Variants in CCR9 observed in about 807,000 individuals in gnomAD.
CCR9 encodes the protein C-C chemokine receptor type 9.
In CCR9, 4 loss-of-function variants were observed where a neutral mutation model predicts 8.7. The ratio of observed to expected loss-of-function variants is 0.46; its 90% CI spans 0.23 to 1.06. The LOEUF (loss-of-function observed/expected upper bound fraction) is 1.06. Among genes scored for constraint, CCR9 ranks in the 50% least tolerant of loss-of-function variants. The pLI is 0.21. For synonymous variants in CCR9, 159 were observed against 168.8 expected, an observed-to-expected ratio of 0.94 and a Z score of 0.45; for missense variants, 394 against 453.6, an observed-to-expected ratio of 0.87 and a Z score of 1.19.
rs201700560 is a variant in CCR9 at position 45,901,949 on chromosome 3, A to G, written c.*51A>G. On this transcript the variant is annotated 3_prime_UTR_variant, in exon 3 of 3. Coordinates refer to ENST00000357632, the MANE Select transcript of CCR9 (RefSeq NM_031200.3). The surrounding 1 kb of genome is among the most constrained non-coding windows in gnomAD (Gnocchi z 4.3). The stretch of plus-strand genomic sequence containing the variant: ...CTTTTGGAAGAAATGAGAAATACAG[A>G]AACAGTTTCCCCACTGATGGGACCA... The G allele has an allele frequency of 4.0e-5, 58 of 1,467,334 alleles. No homozygotes were observed. The highest frequency in any genetic ancestry group is 4.8e-5 in the Non-Finnish European group (52 of 1,087,068). The allele number at this position is 1,467,334 out of a possible 1,614,324, so 90.9% of individuals were successfully genotyped here.
intron 2 of CCR9, 81 bp downstream of exon 2, chr3:45,895,035 T>TG (rs1702309424): frequency 7.3e-7 from 1 of 1,375,174 alleles, no homozygotes; most frequent in African/African-American, 1.4e-5. Context: ...GGATCCACTG[T>TG]GGGGGAAGGA....
In CCR9 at chr3:45,901,640, G is replaced by A. The variant is rs1452415916; in HGVS notation, c.852G>A (p.Met284Ile). The change falls in exon 3 of 3, where the codon ATG (methionine) becomes ATA (isoleucine). Residue 284 changes from methionine to isoleucine, a missense_variant. Coordinates refer to ENST00000357632, the MANE Select transcript of CCR9 (RefSeq NM_031200.3). This position sits in a 1 kb window ranked among gnomAD's most constrained non-coding sequence, Gnocchi z 4.3. ...TGCAGACCATTGACGCCTATGCCAT[G>A]TTCATCTCCAACTGTGCCGTTTCCA... ...LLVQTIDAYA[M>I]FISNCAVSTN... 6 of 1,614,068 alleles carry A rather than the reference G, an allele frequency of 3.7e-6. No individual in the cohort carries two copies. Among genetic ancestry groups the A allele is most frequent in the African/African-American group, 1.3e-5 (1 of 74,940 alleles).
intron 2 of CCR9, among the ~76,000 whole-genome samples, chr3:45,896,851 T>G (rs1036808222): frequency 2.0e-5 from 3 of 152,220 alleles, no homozygotes; most frequent in Non-Finnish European, 4.4e-5. Context: ...ATGGAAGCCT[T>G]GGCAAGCACA....
chr3:45,890,260 T>TATATATATATATTTATATAA lies in CCR9; in HGVS notation c.-29+3614_-29+3615insTATTTATATAAATATATATA, dbSNP rs1702108271. ...TGACATAAGCCCTGGGTATTAGAAA[T>TATATATATATATTTATATAA]ATATATATAACATATATATATATTT... On this transcript the variant is annotated intron_variant, in intron 1 of 2. Transcript: ENST00000357632. 4.2e-4 allele frequency among the ~76,000 whole-genome samples: 3 copies of TATATATATATATTTATATAA among 7,154 alleles called. 1 individual carries two copies. The highest frequency in any genetic ancestry group is 6.6e-4 in the Non-Finnish European group (3 of 4,542). The allele number at this position is 7,154 out of a possible 152,430, so 4.7% of individuals were successfully genotyped here. A position where few individuals can be genotyped will look rare whatever the true frequency, so the allele number is the denominator to read the frequency against.
In CCR9 at chr3:45,901,417, T is replaced by C; in HGVS notation, c.629T>C (p.Leu210Pro). Residue 210 changes from leucine to proline, a missense_variant, in exon 3 of 3, where the codon CTG (leucine) becomes CCG (proline). Leu to Pro is a moderately conservative substitution (Grantham distance 98). Coordinates refer to ENST00000357632, the MANE Select transcript of CCR9 (RefSeq NM_031200.3). The surrounding 1 kb of genome is among the most constrained non-coding windows in gnomAD (Gnocchi z 4.3). ...TACCCTAGCGATGAGAGCACCAAACTGAAGTCAGCTGTCTTGACCCTGAAG... is the reference window on the plus strand; with the variant it reads ...TACCCTAGCGATGAGAGCACCAAACCGAAGTCAGCTGTCTTGACCCTGAAG... ...MVYPSDESTK[L>P]KSAVLTLKVI... The C allele has an allele frequency of 8.1e-6, 13 of 1,614,206 alleles. No individual in the cohort carries two copies. Among genetic ancestry groups the C allele is most frequent in the Non-Finnish European group, 1.1e-5 (13 of 1,180,028 alleles).
intron 1 of CCR9, among the ~76,000 whole-genome samples, chr3:45,893,850 G>A (rs559955036): frequency 6.6e-6 from 1 of 152,164 alleles, no homozygotes; most frequent in African/African-American, 2.4e-5. Flanking sequence ...CATGTATAAC[G>A]TCTTAAGAAA....
intron 1 of CCR9, among the ~76,000 whole-genome samples, chr3:45,887,680 G>A (rs973111554): frequency 5.9e-5 from 9 of 152,146 alleles, no homozygotes; most frequent in Admixed American, 6.5e-5. Flanking sequence ...CTGGAATTTC[G>A]GAGTCCTTTT....
chr3:45,886,449 A>T (rs1211942061), upstream of CCR9: 3 of 151,784 alleles, frequency 2.0e-5, no homozygotes. Context: ...TACACAGGTG[A>T]CTCCCCACCC....
chr3:45,890,688 G>A (rs1036596835), intron 1 of CCR9, among the ~76,000 whole-genome samples: 1 of 151,940 alleles, frequency 6.6e-6, no homozygotes, highest in Non-Finnish European at 1.5e-5. Context: ...TTGGTTCTTC[G>A]GCTTAGGAGG....
chr3:45,892,376 A>G (rs1438631250), intron 1 of CCR9, among the ~76,000 whole-genome samples: 2 of 152,186 alleles, frequency 1.3e-5, no homozygotes, highest in East Asian at 3.8e-4. Flanking sequence ...AATACTACAC[A>G]GCCATAAAAA....
Position 45,901,148 on chromosome 3 carries a change from G to A in CCR9, c.360G>A (p.Lys120=), listed in dbSNP as rs1702541553. 1.2e-6 allele frequency: 2 copies of A among 1,614,194 alleles called. No homozygotes were observed. The highest frequency in any genetic ancestry group is 1.3e-5 in the African/African-American group (1 of 75,048). The change falls in exon 3 of 3, where the codon AAG becomes AAA. Residue 120 remains lysine (K), a synonymous_variant. Transcript: ENST00000357632. This position sits in a 1 kb window ranked among gnomAD's most constrained non-coding sequence, Gnocchi z 4.3. Reference sequence around the variant, plus strand: ...GGAAGTTCCAGACCTTCATGTGCAAGGTGGTCAACAGCATGTACAAGATGA... The same window carrying A: ...GGAAGTTCCAGACCTTCATGTGCAAAGTGGTCAACAGCATGTACAAGATGA... ...DQWKFQTFMC[K]VVNSMYKMNF...
intron 1 of CCR9, among the ~76,000 whole-genome samples, chr3:45,891,140 C>T (rs1045374566): frequency 1.3e-5 from 2 of 152,184 alleles, no homozygotes; most frequent in African/African-American, 4.8e-5. Flanking sequence ...TCAGTGTTTT[C>T]CTGGCCCCCA....
rs1254997730 is a variant in CCR9, at chr3:45,900,362, T to C, written c.22-448T>C. On this transcript the variant is annotated intron_variant, in intron 2 of 2. Coordinates refer to ENST00000357632, the MANE Select transcript of CCR9 (RefSeq NM_031200.3). This position sits in a 1 kb window ranked among gnomAD's most constrained non-coding sequence, Gnocchi z 4.7. Reference sequence around the variant, plus strand: ...TCCAGATGAGTTTAAGAGCCCTTGCTAACCTTTTTAGGGTCAGTGAAAAAC... The same window carrying C: ...TCCAGATGAGTTTAAGAGCCCTTGCCAACCTTTTTAGGGTCAGTGAAAAAC... 1.3e-5 allele frequency among the ~76,000 whole-genome samples: 2 copies of C among 152,168 alleles called. No individual in the cohort carries two copies. The highest frequency in any genetic ancestry group is 4.8e-5 in the African/African-American group (2 of 41,442).
In CCR9 at chr3:45,901,340, C is replaced by A. The variant is rs1167237160; in HGVS notation, c.552C>A (p.Ile184=). The part of the protein sequence containing the change: ...VLAAALCIPE[I]LYSQIKEESG... Reference sequence around the variant, plus strand: ...CAGCTGCTCTCTGCATCCCAGAAATCTTATACAGCCAAATCAAGGAGGAAT... The same window carrying A: ...CAGCTGCTCTCTGCATCCCAGAAATATTATACAGCCAAATCAAGGAGGAAT... The change falls in exon 3 of 3, where the codon ATC becomes ATA. Residue 184 remains isoleucine, a synonymous_variant. Coordinates refer to ENST00000357632, the MANE Select transcript of CCR9 (RefSeq NM_031200.3). The surrounding 1 kb of genome is among the most constrained non-coding windows in gnomAD (Gnocchi z 4.3). 1.2e-6 allele frequency: 2 copies of A among 1,614,072 alleles called. No individual in the cohort carries two copies. The highest frequency in any genetic ancestry group is 1.7e-6 in the Non-Finnish European group (2 of 1,180,034).
chr3:45,902,897 C>G lies in CCR9; in HGVS notation c.*999C>G, dbSNP rs202183867. On this transcript the variant is annotated 3_prime_UTR_variant, in exon 3 of 3. Coordinates refer to ENST00000357632, the MANE Select transcript of CCR9 (RefSeq NM_031200.3). The stretch of plus-strand genomic sequence containing the variant: ...GTGAAGCGCAGGCCTTGCTGGAAGG[C>G]TATTTACTTCCATGCTTCTCCTTTT... 2 of 166,958 alleles carry G rather than the reference C, an allele frequency of 1.2e-5. No individual in the cohort carries two copies. The allele number at this position is 166,958 out of a possible 1,614,324, so 10.3% of individuals were successfully genotyped here. A position where few individuals can be genotyped will look rare whatever the true frequency, so the allele number is the denominator to read the frequency against.
In CCR9 at chr3:45,901,100, G is replaced by T; in HGVS notation, c.312G>T (p.Trp104Cys). 1.2e-6 allele frequency: 2 copies of T among 1,614,036 alleles called. No homozygotes were observed. Among genetic ancestry groups the T allele is most frequent in the Non-Finnish European group, 1.7e-6 (2 of 1,179,998 alleles). ...TCTTTCTTGTCACTCTTCCCTTCTG[G>T]GCCATTGCTGCTGCTGACCAGTGGA... is the stretch of plus-strand genomic sequence containing the variant. ...DLLFLVTLPF[W>C]AIAAADQWKF... Residue 104 changes from tryptophan to cysteine, a missense_variant, in exon 3 of 3, where the codon TGG becomes TGT. Physicochemically the swap from Trp to Cys is radical, Grantham distance 215. Coordinates refer to ENST00000357632, the MANE Select transcript of CCR9 (RefSeq NM_031200.3). The surrounding 1 kb of genome is among the most constrained non-coding windows in gnomAD (Gnocchi z 4.3).
intron 2 of CCR9, among the ~76,000 whole-genome samples, chr3:45,896,740 G>T (rs1413696450): frequency 6.6e-6 from 1 of 152,158 alleles, no homozygotes; most frequent in African/African-American, 2.4e-5. Context: ...CAGAGTCCCT[G>T]CTGATAACAA....
intron 1 of CCR9, among the ~76,000 whole-genome samples, chr3:45,890,641 G>T (rs960942904): frequency 6.6e-6 from 1 of 151,992 alleles, no homozygotes; most frequent in African/African-American, 2.4e-5. Flanking sequence ...AGCTGAAGAT[G>T]TCAGAACCGT....
At position 45,900,929 on chromosome 3, in the gene CCR9, GA is replaced by G. The variant is rs1264470122; in HGVS notation, c.142del (p.Ser48AlafsTer32). 2.5e-6 allele frequency: 4 copies of G among 1,614,064 alleles called. No individual in the cohort carries two copies. The Admixed American group carries it at 6.7e-5, about 27-fold the overall frequency. On this transcript the variant is annotated frameshift_variant, in exon 3 of 3. Coordinates refer to ENST00000357632, the MANE Select transcript of CCR9 (RefSeq NM_031200.3). LOFTEE classifies it low-confidence loss of function (END_TRUNC). The surrounding 1 kb of genome is among the most constrained non-coding windows in gnomAD (Gnocchi z 4.7). ...AGAAAAACAATGTCAGGCAGTTTGC[GA>G]GCCATTTCCTCCCACCCTTGTACTG... is the stretch of plus-strand genomic sequence containing the variant. ...CEKNNVRQFA[S>X]HFLPPLYWLV...
Sources: allele counts gnomAD v4.1 joint callset (sites outside exome capture counted in the v4.1 genomes callset), GRCh38; gene constraint gnomAD v4.1.1; non-coding constraint Gnocchi (gnomAD v3.1); transcripts MANE v1.5; gene names NCBI Gene and HGNC (gene_info 2026-07-23, HGNC 2026-07-21).